The following TEC variants were observed in gnomAD, a reference collection of about 807,000 sequenced individuals.
TEC encodes the protein tec protein tyrosine kinase, also known as tyrosine-protein kinase Tec.
In TEC, 72 loss-of-function variants were observed where a neutral mutation model predicts 93.0. That is an observed-to-expected ratio of 0.77 (90% CI 0.64 to 0.94). The LOEUF (loss-of-function observed/expected upper bound fraction) is 0.94. Among genes scored for constraint, TEC ranks in the 40% least tolerant of loss-of-function variants. TEC has a pLI of 0.00. For missense variants in TEC, 630 were observed against 757.9 expected, an observed-to-expected ratio of 0.83 and a Z score of 1.98; for synonymous variants, 249 against 247.7, an observed-to-expected ratio of 1.01 and a Z score of -0.05.
At chr4:48,225,277 C>G (rs111687233) in intron 2 of TEC, among the ~76,000 whole-genome samples, 12 of 152,106 alleles carry the variant, frequency 7.9e-5, no homozygotes. Context: ...TGGCTCCAAG[C>G]AATTCTCTTG....
chr4:48,243,330 T>C (rs1046568736), intron 1 of TEC, among the ~76,000 whole-genome samples: 1 of 152,228 alleles, frequency 6.6e-6, no homozygotes, highest in African/African-American at 2.4e-5. Flanking sequence ...TGCCATTTAT[T>C]TGCTGCATAA....
At chr4:48,268,042 C>T (rs1724685036) in intron 1 of TEC, among the ~76,000 whole-genome samples, 2 of 152,252 alleles carry the variant, frequency 1.3e-5, no homozygotes, top group African/African-American at 4.8e-5. Context: ...ACCCTTCCAA[C>T]CTCCCTATCA....
intron 10 of TEC, 112 bp downstream of exon 10, chr4:48,150,751 T>G (rs1720122893): frequency 4.1e-6 from 3 of 726,810 alleles, no homozygotes; most frequent in Non-Finnish European, 6.3e-6. Context: ...CAGGTTTTCT[T>G]TTTAATGGTG....
intron 2 of TEC, among the ~76,000 whole-genome samples, chr4:48,198,132 T>C (rs528532599): frequency 5.1e-4 from 78 of 152,342 alleles, no homozygotes; most frequent in African/African-American, 1.6e-3. Context: ...TGGTGATGTA[T>C]TGAGTTTCCA....
chr4:48,260,319 C>G (rs1415615131), intron 1 of TEC, among the ~76,000 whole-genome samples: 1 of 152,162 alleles, frequency 6.6e-6, no homozygotes, highest in African/African-American at 2.4e-5. Flanking sequence ...TGTGGTGGCT[C>G]ACACCTGTAA....
At chr4:48,184,600 T>C (rs1004956391) in intron 2 of TEC, among the ~76,000 whole-genome samples, 6 of 152,184 alleles carry the variant, frequency 3.9e-5, no homozygotes, top group African/African-American at 1.4e-4. Context: ...GTACATATAT[T>C]GCTATCCTAT....
intron 1 of TEC, among the ~76,000 whole-genome samples, chr4:48,241,484 C>T (rs1225381870): frequency 2.0e-5 from 3 of 152,174 alleles, no homozygotes; most frequent in South Asian, 4.1e-4. Flanking sequence ...TGCAGAATTA[C>T]TGCTGAGCCC....
intron 8 of TEC, among the ~76,000 whole-genome samples, chr4:48,159,722 G>C (rs567565296): frequency 1.3e-5 from 2 of 152,164 alleles, no homozygotes; most frequent in South Asian, 4.2e-4. Flanking sequence ...CTAACTTTTT[G>C]TATTTTTAGT....
At chr4:48,191,615 T>C (rs572894058) in intron 2 of TEC, among the ~76,000 whole-genome samples, 1 of 152,288 alleles carries the variant, frequency 6.6e-6, no homozygotes, top group Admixed American at 6.5e-5. Context: ...TAAAACAGAA[T>C]AATATTTTAA....
At chr4:48,266,402 C>G (rs895486204) in intron 1 of TEC, among the ~76,000 whole-genome samples, 2 of 152,200 alleles carry the variant, frequency 1.3e-5, no homozygotes, top group African/African-American at 4.8e-5. Context: ...CCAGTAGGCT[C>G]AGGAACAGCT....
Position 48,168,456 on chromosome 4 carries a change from G to T in TEC, c.495+130C>A, listed in dbSNP as rs549442690. ...GCTACAGCACATCTGCTTCTGAGAC[G>T]ATCCTAGGGAAAAATTGTGTCACAT... On this transcript the variant is annotated intron_variant, in intron 6 of 17. Coordinates refer to ENST00000381501, the MANE Select transcript of TEC (RefSeq NM_003215.3). 6 of 927,176 alleles carry T rather than the reference G, an allele frequency of 6.5e-6. No individual in the cohort carries two copies. In the East Asian group the frequency reaches 1.1e-4, roughly 16 times the overall value. The allele number at this position is 927,176 out of a possible 1,614,324, so 57.4% of individuals were successfully genotyped here. A position where few individuals can be genotyped will look rare whatever the true frequency, so the allele number is the denominator to read the frequency against.
chr4:48,183,396 G>T (rs1721674434), intron 2 of TEC, among the ~76,000 whole-genome samples: 1 of 152,218 alleles, frequency 6.6e-6, no homozygotes, highest in Non-Finnish European at 1.5e-5. Flanking sequence ...TTATTTCCAG[G>T]TGTCTGTGAA....
rs779390935 is a variant in TEC at position 48,138,739 on chromosome 4, G to A, written c.1738C>T (p.Arg580Ter). The change falls in exon 17 of 18, where the codon CGA becomes TGA. Residue 580 changes from arginine to a stop codon, truncating the protein, a stop_gained. Coordinates refer to ENST00000381501, the MANE Select transcript of TEC (RefSeq NM_003215.3). LOFTEE classifies it high-confidence loss of function. ...TNYEVVTMVT[R>*]GHRLYQPKLA... ...TTCGGCTGGTAGAGTCGGTGGCCTC[G>A]AGTAACCATGGTTACCACTTCATAA... 2 of 1,614,138 alleles carry A rather than the reference G, an allele frequency of 1.2e-6. No homozygotes were observed. The highest frequency in any genetic ancestry group is 1.7e-6 in the Non-Finnish European group (2 of 1,180,020).
At chr4:48,187,025 A>G (rs1453724543) in intron 2 of TEC, among the ~76,000 whole-genome samples, 2 of 152,254 alleles carry the variant, frequency 1.3e-5, no homozygotes, top group African/African-American at 4.8e-5. Context: ...GAGAGATCAG[A>G]TTGTTACTGT....
intron 1 of TEC, among the ~76,000 whole-genome samples, chr4:48,249,982 T>G (rs529901150): frequency 6.6e-6 from 1 of 152,342 alleles, no homozygotes; most frequent in African/African-American, 2.4e-5. Context: ...AGCCAAGGCA[T>G]GCATCCTGGA....
At chr4:48,236,163 T>C (rs1207100437) in intron 1 of TEC, among the ~76,000 whole-genome samples, 1 of 152,198 alleles carries the variant, frequency 6.6e-6, no homozygotes, top group Non-Finnish European at 1.5e-5. Context: ...TGAAGGGAGA[T>C]GTCCCCTCTG....
chr4:48,248,866 C>CTTTTTT, intron 1 of TEC, among the ~76,000 whole-genome samples: 1 of 136,838 alleles, frequency 7.3e-6, no homozygotes, highest in Non-Finnish European at 1.6e-5. Flanking sequence ...TCTCCTCTTT[C>CTTTTTT]TTTTTTTTTT....
At chr4:48,137,576 A>C in intron 17 of TEC, 77 bp from the exon 18 acceptor site, 1 of 1,181,086 alleles carries the variant, frequency 8.5e-7, no homozygotes, top group Non-Finnish European at 1.3e-6. Context: ...CAACTCCTAA[A>C]CACAGCATAT....
intron 1 of TEC, among the ~76,000 whole-genome samples, chr4:48,260,193 C>T (rs1253799517): frequency 2.0e-5 from 3 of 152,152 alleles, no homozygotes; most frequent in Non-Finnish European, 4.4e-5. Flanking sequence ...CCTCACATAA[C>T]AGAGACACTG....
Sources: gnomAD v4.1 joint callset for allele counts (sites outside exome capture counted in the v4.1 genomes callset) on GRCh38, gnomAD v4.1.1 for gene constraint, MANE v1.5 for transcripts, NCBI Gene and HGNC (gene_info 2026-07-23, HGNC 2026-07-21) for gene names.